The following AXDND1 variants were observed in gnomAD, a reference collection of about 807,000 sequenced individuals.
The protein encoded by AXDND1 is axonemal dynein light chain domain-containing protein 1.
Under a neutral mutation model 137.5 loss-of-function variants are expected in AXDND1, and 110 were observed. The ratio of observed to expected loss-of-function variants is 0.80; its 90% confidence interval spans 0.69 to 0.94. The LOEUF is 0.94. Among genes scored for constraint, AXDND1 ranks in the 40% least tolerant of loss-of-function variants. AXDND1 has a pLI of 0.00. For missense variants in AXDND1, 1,191 were observed against 1,169.8 expected, an observed-to-expected ratio of 1.02 and a Z score of -0.26; for synonymous variants, 414 against 399.7, an observed-to-expected ratio of 1.04 and a Z score of -0.43.
chr1:179,447,832 C>T (rs900561193), intron 16 of AXDND1: 2 of 1,296,154 alleles, frequency 1.5e-6, no homozygotes, highest in East Asian at 4.6e-5. Context: ...GTCTGTAGTG[C>T]CCAACATCCC....
intron 9 of AXDND1, among the ~76,000 whole-genome samples, chr1:179,386,946 T>C (rs758968905): frequency 6.6e-6 from 1 of 152,054 alleles, no homozygotes; most frequent in African/African-American, 2.4e-5. Context: ...CTATCTAGTA[T>C]ATATTTTCAT....
At chr1:179,447,678 G>A in intron 16 of AXDND1, 2 of 1,344,560 alleles carry the variant, frequency 1.5e-6, no homozygotes, top group Non-Finnish European at 2.1e-6. Flanking sequence ...CAAGATTACT[G>A]CCACCTGGTG....
chr1:179,466,198 C>T (rs948977534), intron 16 of AXDND1, among the ~76,000 whole-genome samples: 7 of 152,216 alleles, frequency 4.6e-5, no homozygotes, highest in African/African-American at 1.7e-4. Context: ...TTCTGCATTG[C>T]TCACGCTGGG....
At chr1:179,419,325 T>C (rs1391451133) in intron 12 of AXDND1, among the ~76,000 whole-genome samples, 1 of 151,824 alleles carries the variant, frequency 6.6e-6, no homozygotes, top group African/African-American at 2.4e-5. Context: ...CTGGGCACCA[T>C]TGAGCACTGA....
chr1:179,418,900 C>T (rs567817389), intron 12 of AXDND1, among the ~76,000 whole-genome samples: 79 of 150,434 alleles, frequency 5.3e-4, no homozygotes, highest in East Asian at 2.6e-3. Flanking sequence ...ACTTCTCAGA[C>T]GGGGCGGCAG....
intron 11 of AXDND1, among the ~76,000 whole-genome samples, chr1:179,398,589 G>A (rs1469756983): frequency 6.6e-6 from 1 of 152,236 alleles, no homozygotes; most frequent in Non-Finnish European, 1.5e-5. Flanking sequence ...ACAGCTGGAA[G>A]AGGGTTGGGG....
intron 15 of AXDND1, among the ~76,000 whole-genome samples, chr1:179,434,244 C>A (rs2125324059): frequency 6.6e-6 from 1 of 152,220 alleles, no homozygotes; most frequent in East Asian, 1.9e-4. Context: ...AAGGACCACA[C>A]AGATTCACAG....
At chr1:179,413,323 G>A (rs1187377741) in intron 12 of AXDND1, among the ~76,000 whole-genome samples, 1 of 152,004 alleles carries the variant, frequency 6.6e-6, no homozygotes, top group Non-Finnish European at 1.5e-5. Flanking sequence ...ATAAGGTTTG[G>A]GCTTCCAGTG....
intron 11 of AXDND1, among the ~76,000 whole-genome samples, chr1:179,404,543 A>G (rs1027468033): frequency 3.3e-5 from 5 of 152,112 alleles, no homozygotes; most frequent in African/African-American, 1.2e-4. Flanking sequence ...AGTTGTCACA[A>G]ATCTCCAAAA....
chr1:179,532,943 AC>A (rs1467098369), intron 23 of AXDND1: 1 of 151,648 alleles, frequency 6.6e-6, no homozygotes, highest in African/African-American at 2.4e-5. Context: ...TAGTGAAGAG[AC>A]TAACACAGGT....
intron 9 of AXDND1, among the ~76,000 whole-genome samples, chr1:179,391,576 G>C (rs897836089): frequency 4.4e-4 from 67 of 151,766 alleles, no homozygotes; most frequent in African/African-American, 1.4e-3. Flanking sequence ...TCACTCTGTT[G>C]CCCAGGCTGT....
chr1:179,436,734 C>A (rs1658208644), intron 15 of AXDND1, among the ~76,000 whole-genome samples: 1 of 151,952 alleles, frequency 6.6e-6, no homozygotes, highest in Admixed American at 6.6e-5. Flanking sequence ...GGACAAATAG[C>A]TAATGCATGC....
chr1:179,510,992 T>C (rs1420728646), intron 21 of AXDND1, among the ~76,000 whole-genome samples: 8 of 147,486 alleles, frequency 5.4e-5, no homozygotes, highest in East Asian at 2.1e-4. Context: ...TGAGAACATA[T>C]GGTGTTTCGT....
chr1:179,525,300 C>T (rs1286090589), intron 21 of AXDND1, 34 bp from the exon 22 acceptor site: 7 of 1,570,528 alleles, frequency 4.5e-6, no homozygotes, highest in Non-Finnish European at 5.2e-6. Context: ...TATTTATATA[C>T]ACCCTTTAAT....
intron 16 of AXDND1, among the ~76,000 whole-genome samples, chr1:179,464,675 G>A (rs1218242759): frequency 6.6e-6 from 1 of 152,120 alleles, no homozygotes; most frequent in Non-Finnish European, 1.5e-5. Context: ...TTGCTAGGTT[G>A]GGGAAGTTCT....
At position 179,491,715 on chromosome 1, in the gene AXDND1, C is replaced by G. The variant is rs766122174; in HGVS notation, c.2269C>G (p.Gln757Glu). ...DAIELTRKLYQYSSYLSSCCK... is the reference protein window; with the variant it reads ...DAIELTRKLYEYSSYLSSCCK... ...GATTGAACTGACAAGGAAGTTGTAC[C>G]AATACTCCAGCTATTTGAGCAGGTG... Residue 757 changes from glutamine (Q) to glutamate (E), a missense_variant, in exon 19 of 26, where the codon CAA becomes GAA. Physicochemically the swap from Gln to Glu is conservative, Grantham distance 29. Transcript: ENST00000367618. 2 of 1,569,702 alleles carry G rather than the reference C, an allele frequency of 1.3e-6. No individual in the cohort carries two copies. Among genetic ancestry groups the G allele is most frequent in the Non-Finnish European group, 1.7e-6 (2 of 1,160,846 alleles).
chr1:179,461,789 A>G (rs1307339208), intron 16 of AXDND1, among the ~76,000 whole-genome samples: 1 of 152,122 alleles, frequency 6.6e-6, no homozygotes, highest in Non-Finnish European at 1.5e-5. Context: ...TTGGATTCCT[A>G]GGTACTTTAT....
intron 20 of AXDND1, among the ~76,000 whole-genome samples, chr1:179,508,639 A>G (rs1040877350): frequency 6.6e-6 from 1 of 152,200 alleles, no homozygotes; most frequent in African/African-American, 2.4e-5. Context: ...CCCATATCTC[A>G]ATAGATAAAA....
chr1:179,386,913 A>G (rs1649316723), intron 9 of AXDND1, among the ~76,000 whole-genome samples: 6 of 151,490 alleles, frequency 4.0e-5, no homozygotes, highest in East Asian at 1.9e-4. Context: ...TTTTTTTTGT[A>G]GAGACAGGAT....
Sources: allele counts gnomAD v4.1 joint callset (sites outside exome capture counted in the v4.1 genomes callset), GRCh38; gene constraint gnomAD v4.1.1; transcripts MANE v1.5; gene names NCBI Gene and HGNC (gene_info 2026-07-23, HGNC 2026-07-21).